The following SGCZ variants were observed in gnomAD, a reference collection of about 807,000 sequenced individuals.
The protein encoded by SGCZ is sarcoglycan zeta, also known as zeta-sarcoglycan.
Under a neutral mutation model 41.3 loss-of-function variants are expected in SGCZ, and 40 were observed. The ratio of observed to expected loss-of-function variants is 0.97; its 90% CI spans 0.75 to 1.26. The LOEUF (loss-of-function observed/expected upper bound fraction) is 1.26, where lower values mean the gene tolerates loss of function less well. SGCZ is among the 50% of genes most tolerant of loss of function. SGCZ has a pLI of 0.00. For missense variants in SGCZ, 552 were observed against 369.8 expected (o/e 1.49, Z -4.04); for synonymous variants, 206 against 137.5 (o/e 1.50, Z -3.49).
intron 1 of SGCZ, among the ~76,000 whole-genome samples, chr8:15,098,917 G>GT (rs1563124831): frequency 2.0e-5 from 3 of 152,136 alleles, no homozygotes; most frequent in Non-Finnish European, 4.4e-5. Context: ...AATTAGCCGG[G>GT]GGTGGTGGTG....
chr8:14,767,281 T>G (rs958410895), intron 1 of SGCZ, among the ~76,000 whole-genome samples: 1 of 152,142 alleles, frequency 6.6e-6, no homozygotes, highest in Admixed American at 6.5e-5. Flanking sequence ...CCAGAGTAGG[T>G]GACTGAATCA....
At chr8:14,097,507 C>A (rs561513664) in intron 7 of SGCZ, among the ~76,000 whole-genome samples, 107 of 152,210 alleles carry the variant, frequency 7.0e-4, no homozygotes, top group African/African-American at 2.5e-3. Context: ...TGTTTTACTT[C>A]CAATTATGTG....
chr8:14,532,801 C>G (rs34094260), intron 2 of SGCZ, among the ~76,000 whole-genome samples: 1 of 151,088 alleles, frequency 6.6e-6, no homozygotes, highest in African/African-American at 2.4e-5. Flanking sequence ...ACTACAAAAA[C>G]GTAAAGAAAG....
intron 2 of SGCZ, among the ~76,000 whole-genome samples, chr8:14,551,596 AT>A (rs1803863903): frequency 4.4e-5 from 2 of 45,502 alleles, no homozygotes; most frequent in African/African-American, 2.5e-4. Context: ...TATAATATAT[AT>A]TATATATATT....
chr8:14,448,394 C>T (rs777017697), intron 2 of SGCZ, among the ~76,000 whole-genome samples: 4 of 152,112 alleles, frequency 2.6e-5, no homozygotes, highest in Non-Finnish European at 5.9e-5. Context: ...TACAGTGGGC[C>T]TCATGCACCA....
At chr8:14,424,098 A>G (rs1280378091) in intron 2 of SGCZ, among the ~76,000 whole-genome samples, 1 of 152,202 alleles carries the variant, frequency 6.6e-6, no homozygotes, top group East Asian at 1.9e-4. Flanking sequence ...GTCTGCTGAT[A>G]GAAAATTCAG....
At chr8:14,759,836 C>T (rs1799805252) in intron 1 of SGCZ, among the ~76,000 whole-genome samples, 1 of 152,098 alleles carries the variant, frequency 6.6e-6, no homozygotes, top group African/African-American at 2.4e-5. Context: ...TAGATCAGGG[C>T]TACTTTAAAA....
In SGCZ at chr8:14,569,188, T is replaced by C. The variant is rs1804474836; in HGVS notation, c.40-14262A>G. ...ATATAATATATAAAATTGAGCTATT[T>C]AGTCATTATGGTTTCACTGATTCTG... On this transcript the variant is annotated intron_variant, in intron 1 of 7. Transcript: ENST00000382080. Among the ~76,000 whole-genome samples the C allele has an allele frequency of 2.0e-5, 3 of 152,222 alleles. No homozygotes were observed. The South Asian group carries it at 6.2e-4, about 31-fold the overall frequency.
chr8:14,165,671 A>G (rs1399271820), intron 4 of SGCZ, among the ~76,000 whole-genome samples: 2 of 152,110 alleles, frequency 1.3e-5, no homozygotes, highest in African/African-American at 4.8e-5. Flanking sequence ...ATCAGATAGA[A>G]CCCAGCTGAG....
intron 4 of SGCZ, among the ~76,000 whole-genome samples, chr8:14,216,229 T>C (rs910132937): frequency 6.6e-6 from 1 of 152,312 alleles, no homozygotes; most frequent in Non-Finnish European, 1.5e-5. Flanking sequence ...CTTAGGAGAA[T>C]TCAGCTGCCT....
At chr8:14,998,752 G>A (rs1278157545) in intron 1 of SGCZ, among the ~76,000 whole-genome samples, 3 of 152,196 alleles carry the variant, frequency 2.0e-5, no homozygotes, top group African/African-American at 2.4e-5. Flanking sequence ...GGATCTAGAT[G>A]TAGCAATGTG....
intron 1 of SGCZ, among the ~76,000 whole-genome samples, chr8:14,588,516 A>G (rs1049348767): frequency 2.0e-5 from 3 of 152,174 alleles, no homozygotes; most frequent in East Asian, 3.9e-4. Flanking sequence ...TTGCCCTAGA[A>G]CATTTTATGT....
chr8:14,093,730 T>C (rs1228276180), intron 7 of SGCZ, among the ~76,000 whole-genome samples: 1 of 152,102 alleles, frequency 6.6e-6, no homozygotes, highest in Non-Finnish European at 1.5e-5. Context: ...AGTATATATA[T>C]TTTAGGTCAA....
chr8:14,970,716 C>T (rs1419058071), intron 1 of SGCZ, among the ~76,000 whole-genome samples: 1 of 152,068 alleles, frequency 6.6e-6, no homozygotes, highest in Non-Finnish European at 1.5e-5. Flanking sequence ...CTTTATGAGT[C>T]TTGATATCAG....
At chr8:14,898,566 T>A (rs1805288615) in intron 1 of SGCZ, among the ~76,000 whole-genome samples, 1 of 152,126 alleles carries the variant, frequency 6.6e-6, no homozygotes, top group Non-Finnish European at 1.5e-5. Flanking sequence ...AAAGCAAGAA[T>A]AATGGGAAAG....
In SGCZ at chr8:14,259,668, A is replaced by G. The variant is rs535684561; in HGVS notation, c.337-21989T>C. ...GGGCTCTGTTCTGTTCCATTGATCTATATTTCTGTTTTGGTACCAGTACCA... is the reference window on the plus strand; with the variant it reads ...GGGCTCTGTTCTGTTCCATTGATCTGTATTTCTGTTTTGGTACCAGTACCA... On this transcript the variant is annotated intron_variant, in intron 3 of 7. Transcript: ENST00000382080. Among the ~76,000 whole-genome samples, 55 of 138,042 alleles carry G rather than the reference A, an allele frequency of 4.0e-4. 1 individual carries two copies. Among genetic ancestry groups the G allele is most frequent in the African/African-American group, 1.4e-3 (54 of 39,732 alleles). 90.6% of individuals were successfully genotyped at this position (138,042 alleles called of 152,430 possible).
chr8:14,370,809 T>C (rs1197956425), intron 2 of SGCZ, among the ~76,000 whole-genome samples: 3 of 151,948 alleles, frequency 2.0e-5, no homozygotes, highest in Admixed American at 1.3e-4. Flanking sequence ...CAATCATTAA[T>C]AAAACTCATA....
At chr8:14,825,938 T>A (rs1008075457) in intron 1 of SGCZ, among the ~76,000 whole-genome samples, 6 of 152,200 alleles carry the variant, frequency 3.9e-5, no homozygotes, top group African/African-American at 9.7e-5. Flanking sequence ...TTTCTTTTTT[T>A]AATTTTATTA....
chr8:14,595,345 T>G (rs751234031), intron 1 of SGCZ, among the ~76,000 whole-genome samples: 3 of 152,092 alleles, frequency 2.0e-5, no homozygotes, highest in Non-Finnish European at 4.4e-5. Flanking sequence ...CAAGTGCATA[T>G]GTATCTGTGT....
Sources: allele counts gnomAD v4.1 joint callset (sites outside exome capture counted in the v4.1 genomes callset), GRCh38; gene constraint gnomAD v4.1.1; transcripts MANE v1.5; gene names NCBI Gene and HGNC (gene_info 2026-07-23, HGNC 2026-07-21).